The following FILIP1L variants were observed in gnomAD, a reference collection of about 807,000 sequenced individuals.
FILIP1L encodes filamin A-interacting protein 1-like.
In FILIP1L, 55 loss-of-function variants were observed where a neutral mutation model predicts 96.6. The ratio of observed to expected loss-of-function variants is 0.57; its 90% CI spans 0.46 to 0.71. The LOEUF is 0.71. Ranked by LOEUF, FILIP1L falls within the 30% of genes least tolerant of loss-of-function variation. The pLI is 0.00. For synonymous variants in FILIP1L, 467 were observed against 473.9 expected (o/e 0.99, Z 0.19); for missense variants, 1,304 against 1,321.2 (o/e 0.99, Z 0.20).
intron 4 of FILIP1L, among the ~76,000 whole-genome samples, chr3:99,889,390 A>G (rs1377645324): frequency 6.6e-6 from 1 of 152,070 alleles, no homozygotes; most frequent in Non-Finnish European, 1.5e-5. Context: ...ACATAGCTAT[A>G]TAATCTTTCT....
chr3:100,024,827 GT>G (rs1004239669), intron 1 of FILIP1L, among the ~76,000 whole-genome samples: 3 of 152,088 alleles, frequency 2.0e-5, no homozygotes, highest in African/African-American at 7.2e-5. Context: ...GTCCAGGGTG[GT>G]TACAAGGCTT....
intron 1 of FILIP1L, among the ~76,000 whole-genome samples, chr3:99,932,544 T>G (rs577934937): frequency 1.3e-5 from 2 of 152,310 alleles, no homozygotes; most frequent in East Asian, 3.9e-4. Context: ...TTTTTTCCCT[T>G]GTGTTAGGTG....
At chr3:100,065,994 C>T (rs1485659228) in intron 1 of FILIP1L, among the ~76,000 whole-genome samples, 1 of 152,186 alleles carries the variant, frequency 6.6e-6, no homozygotes, top group East Asian at 1.9e-4. Flanking sequence ...TGCGACCCAG[C>T]AATATGTACT....
At chr3:100,070,249 G>A (rs2065738815) in intron 1 of FILIP1L, among the ~76,000 whole-genome samples, 1 of 152,166 alleles carries the variant, frequency 6.6e-6, no homozygotes, top group Non-Finnish European at 1.5e-5. Flanking sequence ...ATTTTGTGGG[G>A]AGGTCAGTTG....
chr3:99,979,715 A>G (rs1709065822), intron 1 of FILIP1L, among the ~76,000 whole-genome samples: 1 of 152,210 alleles, frequency 6.6e-6, no homozygotes, highest in African/African-American at 2.4e-5. Flanking sequence ...TTACACCAAC[A>G]TTTATGGAAT....
At chr3:100,037,252 C>G (rs1021851532) in intron 1 of FILIP1L, among the ~76,000 whole-genome samples, 4 of 152,024 alleles carry the variant, frequency 2.6e-5, no homozygotes, top group Admixed American at 2.6e-4. Context: ...GGCAAAGGGA[C>G]ATGATGTCTG....
At chr3:99,987,545 AAG>A (rs1491418533) in intron 1 of FILIP1L, among the ~76,000 whole-genome samples, 2 of 150,484 alleles carry the variant, frequency 1.3e-5, no homozygotes, top group African/African-American at 5.0e-5. Context: ...AAAAAAAAAA[AAG>A]AAAGAAAGAA....
At chr3:99,896,028 C>G (rs1706239878) in intron 4 of FILIP1L, among the ~76,000 whole-genome samples, 2 of 152,040 alleles carry the variant, frequency 1.3e-5, no homozygotes, top group South Asian at 2.1e-4. Context: ...TGCCACGGTT[C>G]CATATTATAA....
intron 1 of FILIP1L, among the ~76,000 whole-genome samples, chr3:100,030,158 A>G (rs1177865388): frequency 6.6e-6 from 1 of 152,178 alleles, no homozygotes; most frequent in African/African-American, 2.4e-5. Context: ...AGTTAACCAT[A>G]GGACTGAAAT....
intron 1 of FILIP1L, among the ~76,000 whole-genome samples, chr3:99,955,753 T>C (rs571946690): frequency 6.6e-6 from 1 of 152,254 alleles, no homozygotes; most frequent in East Asian, 1.9e-4. Flanking sequence ...AGTATGGTCA[T>C]GTACCTTCCT....
intron 1 of FILIP1L, among the ~76,000 whole-genome samples, chr3:100,085,722 TTGTC>T (rs1289249077): frequency 6.6e-6 from 1 of 152,220 alleles, no homozygotes; most frequent in Admixed American, 6.5e-5. Flanking sequence ...TCTGTCATTT[TTGTC>T]TGTCATCTGG....
intron 4 of FILIP1L, among the ~76,000 whole-genome samples, chr3:99,861,611 C>T (rs1326316936): frequency 6.6e-6 from 1 of 152,146 alleles, no homozygotes; most frequent in Non-Finnish European, 1.5e-5. Flanking sequence ...CCCAAGGTAG[C>T]CTTCTTTAAG....
intron 4 of FILIP1L, among the ~76,000 whole-genome samples, chr3:99,858,837 G>T (rs530003170): frequency 6.6e-6 from 1 of 152,336 alleles, no homozygotes; most frequent in East Asian, 1.9e-4. Flanking sequence ...TGAAACATCA[G>T]TGGCAAATTT....
At chr3:99,903,818 A>G (rs1706522582) in intron 4 of FILIP1L, among the ~76,000 whole-genome samples, 2 of 152,168 alleles carry the variant, frequency 1.3e-5, no homozygotes, top group South Asian at 4.1e-4. Context: ...AAAACTACAC[A>G]ATGCTCTTTT....
At chr3:99,875,228 A>G (rs886612383) in intron 4 of FILIP1L, among the ~76,000 whole-genome samples, 2 of 152,194 alleles carry the variant, frequency 1.3e-5, no homozygotes, top group East Asian at 1.9e-4. Context: ...TTTTCTGCCA[A>G]GTGTTCAGTT....
intron 4 of FILIP1L, among the ~76,000 whole-genome samples, chr3:99,879,271 C>T (rs2107599629): frequency 6.6e-6 from 1 of 152,206 alleles, no homozygotes; most frequent in African/African-American, 2.4e-5. Flanking sequence ...CAAGGAGATA[C>T]CAACTAGATT....
chr3:100,045,247 A>C (rs2065260706), intron 1 of FILIP1L, among the ~76,000 whole-genome samples: 1 of 152,222 alleles, frequency 6.6e-6, no homozygotes. Flanking sequence ...AAGAGGTTGA[A>C]AGGGATGCGT....
intron 1 of FILIP1L, among the ~76,000 whole-genome samples, chr3:100,102,332 A>G (rs1454076415): frequency 1.3e-5 from 2 of 152,166 alleles, no homozygotes; most frequent in South Asian, 2.1e-4. Flanking sequence ...ATGAGATGGT[A>G]TCTCATTGTG....
intron 1 of FILIP1L, among the ~76,000 whole-genome samples, chr3:99,969,260 G>A (rs1330871721): frequency 2.0e-5 from 3 of 152,182 alleles, no homozygotes; most frequent in African/African-American, 7.2e-5. Flanking sequence ...TCTTATTGAA[G>A]TAGAAAATGA....
Sources: gnomAD v4.1 joint callset for allele counts (sites outside exome capture counted in the v4.1 genomes callset) on GRCh38, gnomAD v4.1.1 for gene constraint, MANE v1.5 for transcripts, NCBI Gene and HGNC (gene_info 2026-07-23, HGNC 2026-07-21) for gene names.